RIMBP2: variants seen among roughly 807,000 people sequenced by gnomAD.
RIMBP2 encodes the protein RIMS-binding protein 2.
In RIMBP2, 48 loss-of-function variants were observed where a neutral mutation model predicts 118.6. The observed-to-expected ratio is 0.40, with a 90% CI of 0.32 to 0.51. RIMBP2 has a LOEUF of 0.51. Ranked by LOEUF, RIMBP2 falls within the 20% of genes least tolerant of loss-of-function variation. The pLI, the probability that RIMBP2 is intolerant of heterozygous loss-of-function variation, is 0.41. For synonymous variants in RIMBP2, 762 were observed against 742.9 expected (o/e 1.03, Z -0.42); for missense variants, 1,551 against 1,768.3 (o/e 0.88, Z 2.20).
Position 130,399,833 on chromosome 12 carries a change from G to T in RIMBP2, c.3766-20C>A, listed in dbSNP as rs773566857. 2 of 1,613,120 alleles carry T rather than the reference G, an allele frequency of 1.2e-6. No homozygotes were observed. The highest frequency in any genetic ancestry group is 1.3e-5 in the African/African-American group (1 of 74,828). ...CTCCCCCTAAAACACCAGGGGTGAG[G>T]CAGAAGAACTATTTATTTTTCTAGA... On this transcript the variant is annotated intron_variant, in intron 21 of 22. Coordinates refer to ENST00000690449, the MANE Select transcript of RIMBP2 (RefSeq NM_001393629.1).
intron 1 of RIMBP2, among the ~76,000 whole-genome samples, chr12:130,698,620 A>G (rs2065687025): frequency 6.6e-6 from 1 of 152,166 alleles, no homozygotes; most frequent in Non-Finnish European, 1.5e-5. Flanking sequence ...CTAAAACCAT[A>G]AAAATCCTAG....
chr12:130,671,527 C>T (rs1470299994), intron 1 of RIMBP2, among the ~76,000 whole-genome samples: 1 of 152,204 alleles, frequency 6.6e-6, no homozygotes, highest in Non-Finnish European at 1.5e-5. Context: ...TCCCCAGTGC[C>T]TAGATGGGTA....
chr12:130,664,281 T>C (rs1484954712), intron 1 of RIMBP2, among the ~76,000 whole-genome samples: 3 of 151,418 alleles, frequency 2.0e-5, no homozygotes, highest in African/African-American at 4.9e-5. Context: ...ATAAAACATG[T>C]GCGGTTAAAC....
At chr12:130,647,770 G>A (rs1476671754) in intron 1 of RIMBP2, among the ~76,000 whole-genome samples, 3 of 145,784 alleles carry the variant, frequency 2.1e-5, no homozygotes, top group African/African-American at 7.4e-5. Flanking sequence ...TCAAACCAAT[G>A]CATAACCTCC....
rs528789739 is a variant in RIMBP2 at position 130,626,475 on chromosome 12, G to A, written c.-217+1847C>T. On this transcript the variant is annotated intron_variant, in intron 2 of 22. Transcript: ENST00000690449. ...CACCATCTTCTCCATCACGACTACC[G>A]CCAGCATCACCATCAGCTCCTCCAT... Among the ~76,000 whole-genome samples, 24 of 109,278 alleles carry A rather than the reference G, an allele frequency of 2.2e-4. 2 individuals carry two copies. Among genetic ancestry groups the A allele is most frequent in the African/African-American group, 7.2e-4 (20 of 27,908 alleles). The allele number at this position is 109,278 out of a possible 152,430, so 71.7% of individuals were successfully genotyped here. A position where few individuals can be genotyped will look rare whatever the true frequency, so the allele number is the denominator to read the frequency against.
At chr12:130,427,944 G>A in intron 15 of RIMBP2, 1 of 410,586 alleles carries the variant, frequency 2.4e-6, no homozygotes. Context: ...CCTGGAGGGT[G>A]CCAAATAGAT....
At chr12:130,510,622 C>T (rs1439229867) in intron 3 of RIMBP2, among the ~76,000 whole-genome samples, 1 of 152,266 alleles carries the variant, frequency 6.6e-6, no homozygotes, top group East Asian at 1.9e-4. Flanking sequence ...GTGCACACCA[C>T]CATGCCTGGC....
At chr12:130,662,924 C>G (rs1410751425) in intron 1 of RIMBP2, among the ~76,000 whole-genome samples, 1 of 152,108 alleles carries the variant, frequency 6.6e-6, no homozygotes, top group Non-Finnish European at 1.5e-5. Flanking sequence ...CCACTACACT[C>G]CAGCCTGGGT....
chr12:130,654,053 G>A lies in RIMBP2; in HGVS notation c.-351-25597C>T, dbSNP rs2063333387. Among the ~76,000 whole-genome samples, 3 of 152,130 alleles carry A rather than the reference G, an allele frequency of 2.0e-5. No homozygotes were observed. In the South Asian group the frequency reaches 6.2e-4, roughly 32 times the overall value. On this transcript the variant is annotated intron_variant, in intron 1 of 22. Transcript: ENST00000690449. ...CTGTTGTCTTGGATATTAGCACTTG[G>A]GTCCTTTTTAGTCATGCTAGTTTCT...
At chr12:130,572,867 G>A (rs2057789119) in intron 2 of RIMBP2, among the ~76,000 whole-genome samples, 1 of 152,168 alleles carries the variant, frequency 6.6e-6, no homozygotes, top group Admixed American at 6.5e-5. Context: ...GACAGGTGGA[G>A]CGAGGCAGGA....
intron 7 of RIMBP2, among the ~76,000 whole-genome samples, chr12:130,453,969 G>C (rs371968432): frequency 6.6e-6 from 1 of 152,102 alleles, no homozygotes; most frequent in Non-Finnish European, 1.5e-5. Flanking sequence ...CAGGAGAATC[G>C]CTTGAACCTG....
At chr12:130,451,512 C>T (rs1186366434) in intron 7 of RIMBP2, among the ~76,000 whole-genome samples, 172 bp from the exon 8 acceptor site, 1 of 152,254 alleles carries the variant, frequency 6.6e-6, no homozygotes, top group Non-Finnish European at 1.5e-5. Flanking sequence ...GCGGCGCGAC[C>T]CCACCCTCAG....
chr12:130,713,465 G>C (rs1441471920), intron 1 of RIMBP2, among the ~76,000 whole-genome samples: 2 of 152,102 alleles, frequency 1.3e-5, no homozygotes, highest in African/African-American at 4.8e-5. Flanking sequence ...GGATCAGACA[G>C]CTTTTCAAAT....
Position 130,709,195 on chromosome 12 carries a change from GTGGGCTTGGGGACAAGCA to G in RIMBP2, c.-352+7009_-352+7026del, listed in dbSNP as rs541224682. On this transcript the variant is annotated intron_variant, in intron 1 of 22. Coordinates refer to ENST00000690449, the MANE Select transcript of RIMBP2 (RefSeq NM_001393629.1). ...ATGCAGGAGGCAGTCACCAGGGCTG[GTGGGCTTGGGGACAAGCA>G]GGAAGGAAGCTGGGGAACTGTCTGG... Among the ~76,000 whole-genome samples the G allele has an allele frequency of 9.2e-5, 14 of 152,364 alleles. No individual in the cohort carries two copies. In the South Asian group the frequency reaches 2.1e-3, roughly 23 times the overall value.
intron 4 of RIMBP2, among the ~76,000 whole-genome samples, chr12:130,487,789 G>A (rs576112003): frequency 6.6e-6 from 1 of 152,008 alleles, no homozygotes; most frequent in Admixed American, 6.6e-5. Flanking sequence ...GTGCACCCCC[G>A]GCCCAGAACA....
rs1029698349 is a variant in RIMBP2, at chr12:130,557,966, C to T, written c.-216-40049G>A. The stretch of plus-strand genomic sequence containing the variant: ...CCGGTTCCTCACCTGAAAAGTCGGG[C>T]GATAATAGTGTCCACCTCATTGTGT... On this transcript the variant is annotated intron_variant, in intron 2 of 22. Coordinates refer to ENST00000690449, the MANE Select transcript of RIMBP2 (RefSeq NM_001393629.1). 4.6e-5 allele frequency among the ~76,000 whole-genome samples: 7 copies of T among 152,138 alleles called. No homozygotes were observed. In the South Asian group the frequency reaches 8.3e-4, roughly 18 times the overall value.
At chr12:130,559,699 T>A (rs73454901) in intron 2 of RIMBP2, among the ~76,000 whole-genome samples, 7,244 of 152,196 alleles carry the variant, frequency 0.048, 577 homozygotes, top group African/African-American at 0.17. Flanking sequence ...TTCACATTAG[T>A]TCTTTAACTC....
intron 4 of RIMBP2, among the ~76,000 whole-genome samples, chr12:130,495,285 G>T (rs1004786031): frequency 2.0e-5 from 3 of 152,136 alleles, no homozygotes; most frequent in Non-Finnish European, 4.4e-5. Flanking sequence ...CTGGACACCT[G>T]CCCCAGACCA....
chr12:130,665,914 C>T (rs1423428648), intron 1 of RIMBP2, among the ~76,000 whole-genome samples: 1 of 152,110 alleles, frequency 6.6e-6, no homozygotes, highest in Non-Finnish European at 1.5e-5. Flanking sequence ...TGCTGGGGCA[C>T]GTATGGGGTG....
Sources: gnomAD v4.1 joint callset for allele counts (sites outside exome capture counted in the v4.1 genomes callset) on GRCh38, gnomAD v4.1.1 for gene constraint, MANE v1.5 for transcripts, NCBI Gene and HGNC (gene_info 2026-07-23, HGNC 2026-07-21) for gene names.